SLC29A3: variants seen among roughly 807,000 people sequenced by gnomAD.
The protein encoded by SLC29A3 is equilibrative nucleoside transporter 3.
SLC29A3 carries 18 observed loss-of-function variants against 25.4 expected under a neutral mutation model. That is an observed-to-expected ratio of 0.71 (90% CI 0.49 to 1.05). The LOEUF (loss-of-function observed/expected upper bound fraction) is 1.05, where lower values mean the gene tolerates loss of function less well. SLC29A3 is among the 50% of genes least tolerant of loss of function. The pLI, the probability that SLC29A3 is intolerant of heterozygous loss-of-function variation, is 0.00. For missense variants in SLC29A3, 586 were observed against 609.0 expected, an observed-to-expected ratio of 0.96 and a Z score of 0.40; for synonymous variants, 258 against 267.1, an observed-to-expected ratio of 0.97 and a Z score of 0.33.
intron 4 of SLC29A3, chr10:71,379,625 T>G (rs565295108): frequency 6.6e-6 from 1 of 152,384 alleles, no homozygotes; most frequent in East Asian, 1.9e-4. Context: ...CCTCTCTGTC[T>G]ATAAAACCAA....
chr10:71,362,258 C>CTA lies in SLC29A3; in HGVS notation c.1080_1081dup (p.Cys361TyrfsTer45). 1.2e-6 allele frequency: 2 copies of CTA among 1,614,160 alleles called. No individual in the cohort carries two copies. The highest frequency in any genetic ancestry group is 1.7e-6 in the Non-Finnish European group (2 of 1,180,024). On this transcript the variant is annotated frameshift_variant, in exon 6 of 6. Coordinates refer to ENST00000373189, the MANE Select transcript of SLC29A3 (RefSeq NM_018344.6). LOFTEE classifies it high-confidence loss of function. ...CTTCCTCCTGTACAACTTTGCTGACCTATGTGGCCGGCAGCTCACCGCCTG... is the reference window on the plus strand; with the variant it reads ...CTTCCTCCTGTACAACTTTGCTGACCTATATGTGGCCGGCAGCTCACCGCCTG...
At chr10:71,370,159 A>C (rs977351821) in intron 3 of SLC29A3, among the ~76,000 whole-genome samples, 1 of 152,240 alleles carries the variant, frequency 6.6e-6, no homozygotes, top group Non-Finnish European at 1.5e-5. Flanking sequence ...CAAGATTTAC[A>C]GAGCATGTGA....
At chr10:71,367,993 C>T (rs1589247126), downstream of SLC29A3, among the ~76,000 whole-genome samples, 2 of 152,232 alleles carry the variant, frequency 1.3e-5, no homozygotes, top group African/African-American at 4.8e-5. Context: ...GAGGCTAAGG[C>T]GGGAGAATCA....
intron 3 of SLC29A3, among the ~76,000 whole-genome samples, chr10:71,349,156 T>C (rs1031423668): frequency 1.3e-5 from 2 of 152,190 alleles, no homozygotes; most frequent in Non-Finnish European, 2.9e-5. Context: ...TGCTGTAGCT[T>C]CTGACCATAT....
intron 5 of SLC29A3, among the ~76,000 whole-genome samples, chr10:71,357,907 G>A (rs1431194839): frequency 6.6e-6 from 1 of 152,274 alleles, no homozygotes; most frequent in Non-Finnish European, 1.5e-5. Context: ...TAAGTGAAGT[G>A]CCAGGTGCGT....
chr10:71,338,774 A>T (rs888403503), intron 2 of SLC29A3, among the ~76,000 whole-genome samples: 5 of 152,156 alleles, frequency 3.3e-5, no homozygotes, highest in African/African-American at 1.2e-4. Flanking sequence ...AAGAAAAAAA[A>T]ATCAAACTCT....
chr10:71,322,456 G>GT (rs1845867748), intron 1 of SLC29A3, among the ~76,000 whole-genome samples: 1 of 152,234 alleles, frequency 6.6e-6, no homozygotes. Flanking sequence ...CTATCATGCA[G>GT]TGTTTTACAA....
At chr10:71,349,294 G>A (rs1265148673) in intron 3 of SLC29A3, among the ~76,000 whole-genome samples, 1 of 152,162 alleles carries the variant, frequency 6.6e-6, no homozygotes. Context: ...TTGGATCTAG[G>A]GGATCTCCTC....
intron 2 of SLC29A3, among the ~76,000 whole-genome samples, chr10:71,331,347 A>C (rs1663027953): frequency 6.6e-6 from 1 of 152,200 alleles, no homozygotes; most frequent in African/African-American, 2.4e-5. Flanking sequence ...ATTTTGCTTT[A>C]AATGGGAGCA....
intron 2 of SLC29A3, 63 bp from the exon 3 acceptor site, chr10:71,344,146 G>A (rs547899813): frequency 1.7e-4 from 218 of 1,295,738 alleles, no homozygotes; most frequent in Admixed American, 3.0e-4. Context: ...GTCTCTGCTC[G>A]CGTGGAACTG....
chr10:71,362,239 C>T lies in SLC29A3; in HGVS notation c.1059C>T (p.Leu353=). 1 of 1,614,178 alleles carries T rather than the reference C, an allele frequency of 6.2e-7. No individual in the cohort carries two copies. Among genetic ancestry groups the T allele is most frequent in the Non-Finnish European group, 8.5e-7 (1 of 1,180,036 alleles). ...TKFFIPLTTF[L]LYNFADLCGR... is the part of the protein sequence containing the mutation. The stretch of plus-strand genomic sequence containing the variant: ...TTTTCATCCCCCTCACTACCTTCCT[C>T]CTGTACAACTTTGCTGACCTATGTG... The change falls in exon 6 of 6, where the codon CTC becomes CTT. Residue 353 remains leucine (L), a synonymous_variant. Coordinates refer to ENST00000373189, the MANE Select transcript of SLC29A3 (RefSeq NM_018344.6).
chr10:71,349,307 C>T (rs908216818), intron 3 of SLC29A3, among the ~76,000 whole-genome samples: 3 of 152,154 alleles, frequency 2.0e-5, no homozygotes, highest in African/African-American at 7.2e-5. Flanking sequence ...ATCTCCTCTG[C>T]ACCACCCCTG....
At chr10:71,329,214 G>C (rs1327543283) in intron 2 of SLC29A3, among the ~76,000 whole-genome samples, 1 of 152,170 alleles carries the variant, frequency 6.6e-6, no homozygotes, top group East Asian at 1.9e-4. Context: ...TAGAACTGCA[G>C]AGCCCATGCT....
chr10:71,344,423 T>C, intron 3 of SLC29A3, 132 bp downstream of exon 3: 2 of 724,308 alleles, frequency 2.8e-6, no homozygotes, highest in East Asian at 2.6e-5. Context: ...GCAGCTCAGA[T>C]TTATGCATGA....
chr10:71,320,338 G>GC (rs1297298008), intron 1 of SLC29A3, among the ~76,000 whole-genome samples: 1 of 152,208 alleles, frequency 6.6e-6, no homozygotes, highest in African/African-American at 2.4e-5. Flanking sequence ...AATGTAACAA[G>GC]TGAGCTTGTT....
intron 5 of SLC29A3, among the ~76,000 whole-genome samples, chr10:71,360,497 G>A (rs973831782): frequency 1.3e-5 from 2 of 152,164 alleles, no homozygotes; most frequent in African/African-American, 4.8e-5. Context: ...GTAGATTGTG[G>A]TTAGTTCTTT....
downstream of SLC29A3, chr10:71,363,493 T>G (rs139611451): frequency 4.9e-3 from 1,862 of 378,584 alleles, 32 homozygotes; most frequent in East Asian, 0.013. Flanking sequence ...AGACAAGATA[T>G]TGCTCTGTCA....
At chr10:71,354,459 TG>T (rs1430306375) in intron 4 of SLC29A3, among the ~76,000 whole-genome samples, 4 of 152,164 alleles carry the variant, frequency 2.6e-5, no homozygotes, top group Non-Finnish European at 5.9e-5. Flanking sequence ...GTGGAGAGGC[TG>T]GGGAAAGGAT....
chr10:71,363,175 A>G lies in SLC29A3; in HGVS notation c.*567A>G, dbSNP rs1404582353. The G allele has an allele frequency of 4.5e-6, 2 of 446,220 alleles. No individual in the cohort carries two copies. The highest frequency in any genetic ancestry group is 1.6e-5 in the South Asian group (1 of 63,532). The allele number at this position is 446,220 out of a possible 1,614,324, so 27.6% of individuals were successfully genotyped here. A position where few individuals can be genotyped will look rare whatever the true frequency, so the allele number is the denominator to read the frequency against. ...TAACCAGACTGGAAAACCCAGAAAG[A>G]TGGGCCTTCCATGAATGCTTCATTC... is the stretch of plus-strand genomic sequence containing the variant. On this transcript the variant is annotated 3_prime_UTR_variant, in exon 6 of 6. Coordinates refer to ENST00000373189, the MANE Select transcript of SLC29A3 (RefSeq NM_018344.6).
Sources: gnomAD v4.1 joint callset for allele counts (sites outside exome capture counted in the v4.1 genomes callset) on GRCh38, gnomAD v4.1.1 for gene constraint, MANE v1.5 for transcripts, NCBI Gene and HGNC (gene_info 2026-07-23, HGNC 2026-07-21) for gene names.